OXR1: variants seen among roughly 807,000 people sequenced by gnomAD.
OXR1 encodes the protein oxidation resistance protein 1.
A neutral mutation model predicts 104.6 loss-of-function variants in OXR1; 41 were observed. That is an observed-to-expected ratio of 0.39 (90% CI 0.31 to 0.51). The LOEUF (loss-of-function observed/expected upper bound fraction) is 0.51. Ranked by LOEUF, OXR1 falls within the 20% of genes least tolerant of loss-of-function variation. OXR1 has a pLI of 0.77. For missense variants in OXR1, 955 were observed against 1,031.9 expected (o/e 0.93, Z 1.02); for synonymous variants, 348 against 348.4 (o/e 1.00, Z 0.01).
chr8:106,475,371 A>C (rs779009981), intron 2 of OXR1, among the ~76,000 whole-genome samples: 13 of 152,106 alleles, frequency 8.5e-5, no homozygotes, highest in Middle Eastern at 3.4e-3. Context: ...AAGTGGATCA[A>C]CCTAAAGGTC....
At chr8:106,370,823 A>T (rs952024728) in intron 2 of OXR1, among the ~76,000 whole-genome samples, 6 of 152,034 alleles carry the variant, frequency 3.9e-5, no homozygotes, top group Non-Finnish European at 5.9e-5. Context: ...GAATTTTCCC[A>T]TCCATGTTCA....
intron 7 of OXR1, among the ~76,000 whole-genome samples, chr8:106,701,225 A>G (rs891710921): frequency 1.3e-5 from 2 of 152,140 alleles, no homozygotes; most frequent in African/African-American, 2.4e-5. Flanking sequence ...TGCTATTCAG[A>G]GTTTCATATG....
intron 2 of OXR1, among the ~76,000 whole-genome samples, chr8:106,445,401 A>G (rs1005516214): frequency 6.6e-6 from 1 of 152,192 alleles, no homozygotes; most frequent in Non-Finnish European, 1.5e-5. Flanking sequence ...AGGTGAATCC[A>G]TCTGCAGGAT....
intron 2 of OXR1, among the ~76,000 whole-genome samples, chr8:106,404,753 T>G (rs967325789): frequency 5.9e-5 from 9 of 152,118 alleles, no homozygotes; most frequent in Admixed American, 5.2e-4. Context: ...TTGCCCAGGC[T>G]GGAGTGCAAT....
chr8:106,677,491 C>G (rs1347828302), intron 3 of OXR1, among the ~76,000 whole-genome samples: 2 of 152,140 alleles, frequency 1.3e-5, no homozygotes, highest in East Asian at 1.9e-4. Context: ...TTCCTACTGT[C>G]AAACAGTATG....
intron 10 of OXR1, among the ~76,000 whole-genome samples, chr8:106,711,647 C>T (rs1387181377): frequency 1.3e-5 from 2 of 152,108 alleles, no homozygotes; most frequent in African/African-American, 4.8e-5. Flanking sequence ...TAGTCTGCCT[C>T]CATTTGGTGC....
chr8:106,649,863 A>AT (rs1408860150), intron 3 of OXR1, among the ~76,000 whole-genome samples: 1 of 151,882 alleles, frequency 6.6e-6, no homozygotes, highest in Non-Finnish European at 1.5e-5. Flanking sequence ...CGCCCAGCTA[A>AT]TTTTTTGTAT....
intron 3 of OXR1, chr8:106,657,966 C>A (rs946060949): frequency 3.4e-5 from 42 of 1,248,314 alleles, no homozygotes; most frequent in Non-Finnish European, 4.0e-5. Context: ...GCCCCAGTTC[C>A]GCGTCCAGCC....
chr8:106,442,604 G>C (rs150840886), intron 2 of OXR1, among the ~76,000 whole-genome samples: 1 of 152,102 alleles, frequency 6.6e-6, no homozygotes, highest in Non-Finnish European at 1.5e-5. Flanking sequence ...GCTTATTACT[G>C]ATCTATTCAG....
intron 1 of OXR1, among the ~76,000 whole-genome samples, chr8:106,351,323 C>A (rs1443171752): frequency 1.3e-5 from 2 of 152,106 alleles, no homozygotes; most frequent in African/African-American, 4.8e-5. Flanking sequence ...GGTAATTAAA[C>A]CACCCTTTCT....
intron 2 of OXR1, among the ~76,000 whole-genome samples, chr8:106,386,260 G>T (rs1300921576): frequency 6.6e-6 from 1 of 152,186 alleles, no homozygotes; most frequent in African/African-American, 2.4e-5. Context: ...GTTCAGGAGG[G>T]TCTCTGACCT....
At chr8:106,748,995 T>A (rs962509712) in intron 16 of OXR1, among the ~76,000 whole-genome samples, 1 of 152,166 alleles carries the variant, frequency 6.6e-6, no homozygotes, top group African/African-American at 2.4e-5. Flanking sequence ...TGTTTTTTAT[T>A]ACAGAGTATA....
chr8:106,438,674 T>C (rs573834264), intron 2 of OXR1, among the ~76,000 whole-genome samples: 1 of 152,260 alleles, frequency 6.6e-6, no homozygotes, highest in Non-Finnish European at 1.5e-5. Flanking sequence ...GTTCTTAGTG[T>C]TAAATCAAAT....
intron 2 of OXR1, among the ~76,000 whole-genome samples, chr8:106,418,788 T>C (rs948155519): frequency 6.6e-6 from 1 of 152,176 alleles, no homozygotes; most frequent in Non-Finnish European, 1.5e-5. Flanking sequence ...TGTATGCATG[T>C]GTGTATGTAT....
At chr8:106,282,821 G>T (rs1158631217) in intron 1 of OXR1, among the ~76,000 whole-genome samples, 1 of 152,168 alleles carries the variant, frequency 6.6e-6, no homozygotes, top group Non-Finnish European at 1.5e-5. Flanking sequence ...TCAAACCTGT[G>T]TTGTCCAAGG....
At chr8:106,334,314 C>T (rs1814860484) in intron 1 of OXR1, among the ~76,000 whole-genome samples, 1 of 152,016 alleles carries the variant, frequency 6.6e-6, no homozygotes. Flanking sequence ...ATCTTGTGTC[C>T]TCCAGCTTTG....
At chr8:106,541,500 C>T (rs185566054) in intron 3 of OXR1, among the ~76,000 whole-genome samples, 7 of 152,256 alleles carry the variant, frequency 4.6e-5, no homozygotes, top group African/African-American at 7.2e-5. Flanking sequence ...AATGAAAGAA[C>T]GATTCATTTA....
chr8:106,710,306 G>C (rs939911773), intron 9 of OXR1, among the ~76,000 whole-genome samples: 1 of 148,406 alleles, frequency 6.7e-6, no homozygotes, highest in African/African-American at 2.4e-5. Context: ...TATTATGTGT[G>C]TGTATATATA....
At position 106,683,308 on chromosome 8, in the gene OXR1, T is replaced by C; in HGVS notation, c.411+2T>C. 1 of 1,437,584 alleles carries C rather than the reference T, an allele frequency of 7.0e-7. No individual in the cohort carries two copies. The highest frequency in any genetic ancestry group is 9.8e-7 in the Non-Finnish European group (1 of 1,021,280). The allele number at this position is 1,437,584 out of a possible 1,614,324, so 89.1% of individuals were successfully genotyped here. On this transcript the variant is annotated splice_donor_variant, in intron 5 of 16. Coordinates refer to ENST00000517566, the MANE Select transcript of OXR1 (RefSeq NM_001198533.2). LOFTEE classifies it high-confidence loss of function. The stretch of plus-strand genomic sequence containing the variant: ...TCCCGAGCAGTTGTTACTGGACAGG[T>C]AGTATCTTTTTTTTAATGTGCTGAT...
Sources: allele counts gnomAD v4.1 joint callset (sites outside exome capture counted in the v4.1 genomes callset), GRCh38; gene constraint gnomAD v4.1.1; transcripts MANE v1.5; gene names NCBI Gene and HGNC (gene_info 2026-07-23, HGNC 2026-07-21).